SLC25A46: variants seen among roughly 807,000 people sequenced by gnomAD.
The protein encoded by SLC25A46 is mitochondrial outer membrane protein SLC25A46.
Under a neutral mutation model 44.6 loss-of-function variants are expected in SLC25A46, and 39 were observed. The ratio of observed to expected loss-of-function variants is 0.87; its 90% CI spans 0.68 to 1.14. The LOEUF (loss-of-function observed/expected upper bound fraction) is 1.14. SLC25A46 is among the 50% of genes most tolerant of loss of function. The pLI is 0.00. For missense variants in SLC25A46, 547 were observed against 522.7 expected, an observed-to-expected ratio of 1.05 and a Z score of -0.45; for synonymous variants, 202 against 185.8, an observed-to-expected ratio of 1.09 and a Z score of -0.71.
chr5:110,759,970 C>T (rs541048169), intron 7 of SLC25A46, among the ~76,000 whole-genome samples: 5 of 152,138 alleles, frequency 3.3e-5, no homozygotes, highest in Admixed American at 1.3e-4. Flanking sequence ...GTCATAAATT[C>T]GAAAAATCTT....
At chr5:110,756,851 A>G in intron 7 of SLC25A46, 92 bp downstream of exon 7, 1 of 755,784 alleles carries the variant, frequency 1.3e-6, no homozygotes. Context: ...TCAGCAGAAA[A>G]TTTTAAGACT....
chr5:110,749,517 G>C (rs545995438), intron 5 of SLC25A46, among the ~76,000 whole-genome samples: 1 of 150,678 alleles, frequency 6.6e-6, no homozygotes, highest in African/African-American at 2.5e-5. Context: ...CGGTGGGAAG[G>C]GGGGTAGTTG....
chr5:110,763,463 C>T lies in SLC25A46; in HGVS notation c.*1681C>T, dbSNP rs1380366850. On this transcript the variant is annotated 3_prime_UTR_variant, in exon 8 of 8. Coordinates refer to ENST00000355943, the MANE Select transcript of SLC25A46 (RefSeq NM_138773.4). Reference sequence around the variant, plus strand: ...AAAGGGGGAAAATAAAATTAAACACCACTGATCACATTTTATATTTTATGG... The same window carrying T: ...AAAGGGGGAAAATAAAATTAAACACTACTGATCACATTTTATATTTTATGG... 6.6e-6 allele frequency: 1 copy of T among 151,642 alleles called. No homozygotes were observed. The highest frequency in any genetic ancestry group is 2.4e-5 in the African/African-American group (1 of 41,346). 9.4% of individuals were successfully genotyped at this position (151,642 alleles called of 1,614,324 possible). A position where few individuals can be genotyped will look rare whatever the true frequency, so the allele number is the denominator to read the frequency against.
chr5:110,761,833 G>T lies in SLC25A46; in HGVS notation c.*51G>T, dbSNP rs751926161. On this transcript the variant is annotated 3_prime_UTR_variant, in exon 8 of 8. Transcript: ENST00000355943. This position sits in a 1 kb window ranked among gnomAD's most constrained non-coding sequence, Gnocchi z 5.3. Reference sequence around the variant, plus strand: ...CTGGAAGATATAATCTGGATAATTTGCTATGAAGTTATGAGGGATACAAGT... The same window carrying T: ...CTGGAAGATATAATCTGGATAATTTTCTATGAAGTTATGAGGGATACAAGT... The T allele has an allele frequency of 6.9e-7, 1 of 1,446,228 alleles. No individual in the cohort carries two copies. Among genetic ancestry groups the T allele is most frequent in the Non-Finnish European group, 9.3e-7 (1 of 1,074,602 alleles). 89.6% of individuals were successfully genotyped at this position (1,446,228 alleles called of 1,614,324 possible). A position where few individuals can be genotyped will look rare whatever the true frequency, so the allele number is the denominator to read the frequency against.
At chr5:110,738,488 T>C (rs1230435118), upstream of SLC25A46, among the ~76,000 whole-genome samples, 1 of 152,178 alleles carries the variant, frequency 6.6e-6, no homozygotes, top group Non-Finnish European at 1.5e-5. Context: ...ACTTTTAAAA[T>C]GCTTGCTCTG....
In SLC25A46 at chr5:110,761,330, G is replaced by C; in HGVS notation, c.805G>C (p.Val269Leu). Residue 269 changes from valine to leucine, a missense_variant, in exon 8 of 8, where the codon GTG becomes CTG. Transcript: ENST00000355943. The surrounding 1 kb of genome is among the most constrained non-coding windows in gnomAD (Gnocchi z 5.3). ...LPLLSLIFPT[V>L]LHGVLHYIIS... ...GCTTCTTTCCTTGATCTTCCCTACGGTGCTTCATGGAGTTCTTCATTACAT... is the reference window on the plus strand; with the variant it reads ...GCTTCTTTCCTTGATCTTCCCTACGCTGCTTCATGGAGTTCTTCATTACAT... The C allele has an allele frequency of 6.2e-7, 1 of 1,613,730 alleles. No individual in the cohort carries two copies. Among genetic ancestry groups the C allele is most frequent in the Non-Finnish European group, 8.5e-7 (1 of 1,179,818 alleles).
At chr5:110,756,819 T>G (rs1315502307) in intron 7 of SLC25A46, 60 bp downstream of exon 7, 11 of 1,164,718 alleles carry the variant, frequency 9.4e-6, no homozygotes, top group Non-Finnish European at 1.2e-5. Flanking sequence ...GACTATTCAG[T>G]ATATTGTAGA....
chr5:110,744,169 C>T (rs1799758108), intron 3 of SLC25A46, among the ~76,000 whole-genome samples: 1 of 152,134 alleles, frequency 6.6e-6, no homozygotes, highest in African/African-American at 2.4e-5. Context: ...TATGCTTCTG[C>T]AGTCAATCTG....
upstream of SLC25A46, chr5:110,738,170 TAGGATGAAA>T (rs1799402384): frequency 8.0e-7 from 1 of 1,249,994 alleles, no homozygotes; most frequent in Non-Finnish European, 1.0e-6. Flanking sequence ...TGAAGGAACA[TAGGATGAAA>T]CCATGGAAGT....
chr5:110,759,909 T>A (rs1800206149), intron 7 of SLC25A46, among the ~76,000 whole-genome samples: 1 of 152,228 alleles, frequency 6.6e-6, no homozygotes, highest in Middle Eastern at 3.4e-3. Context: ...ACTCCCACAT[T>A]TATAATACAG....
rs1310919118 is a variant in SLC25A46 at position 110,762,350 on chromosome 5, A to G, written c.*568A>G. 1 of 152,118 alleles carries G rather than the reference A, an allele frequency of 6.6e-6. No homozygotes were observed. Among genetic ancestry groups the G allele is most frequent in the Non-Finnish European group, 1.5e-5 (1 of 68,106 alleles). 9.4% of individuals were successfully genotyped at this position (152,118 alleles called of 1,614,324 possible). Reference sequence around the variant, plus strand: ...TCCCTATGTAACTATCTTAATGGCTATATATATGTATTTTATAAAGCCATT... The same window carrying G: ...TCCCTATGTAACTATCTTAATGGCTGTATATATGTATTTTATAAAGCCATT... On this transcript the variant is annotated 3_prime_UTR_variant, in exon 8 of 8. Transcript: ENST00000355943.
intron 1 of SLC25A46, 159 bp from the exon 2 acceptor site, chr5:110,741,883 TTTAAA>T: frequency 1.7e-6 from 1 of 571,464 alleles, no homozygotes; most frequent in Non-Finnish European, 3.1e-6. Context: ...CCTTCATTCA[TTTAAA>T]TTATTTACCT....
intron 6 of SLC25A46, chr5:110,755,955 T>C (rs912811792): frequency 1.3e-5 from 2 of 152,442 alleles, no homozygotes; most frequent in African/African-American, 4.8e-5. Flanking sequence ...TTTTTGTAGA[T>C]TAGAATTTTA....
rs1463224105 is a variant in SLC25A46, at chr5:110,748,268, C to A, written c.563+5C>A. 1 of 1,607,824 alleles carries A rather than the reference C, an allele frequency of 6.2e-7. No homozygotes were observed. The highest frequency in any genetic ancestry group is 8.5e-7 in the Non-Finnish European group (1 of 1,174,606). On this transcript the variant is annotated splice_donor_5th_base_variant and intron_variant, in intron 5 of 7. Transcript: ENST00000355943. The stretch of plus-strand genomic sequence containing the variant: ...TGAATTTACACCTTTGCCAAGGTAC[C>A]ATTTTTAGCATTTCTTCAGTATTAG...
At position 110,764,887 on chromosome 5, in the gene SLC25A46, T is replaced by A. The variant is rs2150421623; in HGVS notation, c.*3105T>A. Reference sequence around the variant, plus strand: ...AATGATACTGTTGTTGGCATTTCTGTTTCTCTTTCAAGTAGTTGTAAATAA... The same window carrying A: ...AATGATACTGTTGTTGGCATTTCTGATTCTCTTTCAAGTAGTTGTAAATAA... On this transcript the variant is annotated 3_prime_UTR_variant, in exon 8 of 8. Transcript: ENST00000355943. 1 of 152,092 alleles carries A rather than the reference T, an allele frequency of 6.6e-6. No individual in the cohort carries two copies. The highest frequency in any genetic ancestry group is 1.9e-4 in the East Asian group (1 of 5,154). 9.4% of individuals were successfully genotyped at this position (152,092 alleles called of 1,614,324 possible).
In SLC25A46 at chr5:110,764,709, C is replaced by T. The variant is rs899678195; in HGVS notation, c.*2927C>T. On this transcript the variant is annotated 3_prime_UTR_variant, in exon 8 of 8. Transcript: ENST00000355943. ...ATGCTGCTTAAATTTGTTTTATCAGCTGAGGTTGTGGAGGATTTTTGTCCA... is the reference window on the plus strand; with the variant it reads ...ATGCTGCTTAAATTTGTTTTATCAGTTGAGGTTGTGGAGGATTTTTGTCCA... The T allele has an allele frequency of 1.3e-5, 2 of 151,834 alleles. No individual in the cohort carries two copies. Among genetic ancestry groups the T allele is most frequent in the African/African-American group, 4.8e-5 (2 of 41,364 alleles). 9.4% of individuals were successfully genotyped at this position (151,834 alleles called of 1,614,324 possible).
intron 3 of SLC25A46, among the ~76,000 whole-genome samples, chr5:110,744,741 C>A (rs1156846994): frequency 6.6e-6 from 1 of 151,920 alleles, no homozygotes; most frequent in Non-Finnish European, 1.5e-5. Context: ...TATGTCTGTC[C>A]TGAAAGTGAA....
chr5:110,763,041 A>C lies in SLC25A46; in HGVS notation c.*1259A>C, dbSNP rs1325258020. 1 of 151,890 alleles carries C rather than the reference A, an allele frequency of 6.6e-6. No individual in the cohort carries two copies. Among genetic ancestry groups the C allele is most frequent in the African/African-American group, 2.4e-5 (1 of 41,432 alleles). 9.4% of individuals were successfully genotyped at this position (151,890 alleles called of 1,614,324 possible). ...ACATTTCAACATATAATAAGCAAAA[A>C]AATTACTAATCAGTTTAATAAAAAC... On this transcript the variant is annotated 3_prime_UTR_variant, in exon 8 of 8. Transcript: ENST00000355943.
intron 5 of SLC25A46, among the ~76,000 whole-genome samples, chr5:110,752,899 G>A (rs980276813): frequency 6.6e-6 from 1 of 152,122 alleles, no homozygotes; most frequent in Non-Finnish European, 1.5e-5. Context: ...CACTATGGTA[G>A]AAGAATAGAG....
Sources: gnomAD v4.1 joint callset for allele counts (sites outside exome capture counted in the v4.1 genomes callset) on GRCh38, gnomAD v4.1.1 for gene constraint, Gnocchi (gnomAD v3.1) non-coding constraint, MANE v1.5 for transcripts, NCBI Gene and HGNC (gene_info 2026-07-23, HGNC 2026-07-21) for gene names.